DIMT1: variants seen among roughly 807,000 people sequenced by gnomAD.
The protein encoded by DIMT1 is dimethyladenosine transferase.
DIMT1 carries 36 observed loss-of-function variants against 43.2 expected under a neutral mutation model. That is an observed-to-expected ratio of 0.83 (90% CI 0.64 to 1.10). The LOEUF (loss-of-function observed/expected upper bound fraction) is 1.10, where lower values mean the gene tolerates loss of function less well. Among genes scored for constraint, DIMT1 ranks in the 50% least tolerant of loss-of-function variants. DIMT1 has a pLI of 0.00. For synonymous variants in DIMT1, 126 were observed against 130.3 expected (o/e 0.97, Z 0.22); for missense variants, 341 against 385.3 (o/e 0.88, Z 0.96).
chr5:62,393,454 G>GT (rs1742374682), intron 8 of DIMT1, among the ~76,000 whole-genome samples: 1 of 152,068 alleles, frequency 6.6e-6, no homozygotes, highest in Admixed American at 6.6e-5. Context: ...TTAAATCTAA[G>GT]TATCATTTTC....
chr5:62,398,385 A>G, intron 6 of DIMT1, 126 bp downstream of exon 6: 1 of 933,292 alleles, frequency 1.1e-6, no homozygotes, highest in Non-Finnish European at 1.7e-6. Context: ...CTCCATACAA[A>G]TCAACATTTT....
At chr5:62,394,305 A>C (rs944347619) in intron 7 of DIMT1, among the ~76,000 whole-genome samples, 179 bp downstream of exon 7, 11 of 152,220 alleles carry the variant, frequency 7.2e-5, no homozygotes, top group Non-Finnish European at 1.3e-4. Flanking sequence ...GTGTCTACAA[A>C]AAATACCAAA....
intron 3 of DIMT1, among the ~76,000 whole-genome samples, chr5:62,399,107 G>A (rs990683720): frequency 6.6e-6 from 1 of 151,436 alleles, no homozygotes; most frequent in African/African-American, 2.4e-5. Context: ...TGGGGTGGGC[G>A]AATCATGAGG....
chr5:62,403,792 A>T lies in DIMT1; in HGVS notation c.-20T>A, dbSNP rs764459624. On this transcript the variant is annotated 5_prime_UTR_variant, in exon 1 of 12. Transcript: ENST00000199320. ...CGGCATCTCGGCAGAAAGCGGGCCCACAGGCCCGGGACGTCAAGGAGGACC... is the reference window on the plus strand; with the variant it reads ...CGGCATCTCGGCAGAAAGCGGGCCCTCAGGCCCGGGACGTCAAGGAGGACC... 3 of 1,608,356 alleles carry T rather than the reference A, an allele frequency of 1.9e-6. No individual in the cohort carries two copies. The highest frequency in any genetic ancestry group is 2.5e-6 in the Non-Finnish European group (3 of 1,177,948).
Position 62,387,950 on chromosome 5 carries a change from A to C in DIMT1, c.*1060T>G, listed in dbSNP as rs1010795793. 4.6e-5 allele frequency: 7 copies of C among 152,134 alleles called. No homozygotes were observed. Among genetic ancestry groups the C allele is most frequent in the African/African-American group, 9.6e-5 (4 of 41,452 alleles). 9.4% of individuals were successfully genotyped at this position (152,134 alleles called of 1,614,324 possible). A position where few individuals can be genotyped will look rare whatever the true frequency, so the allele number is the denominator to read the frequency against. Reference sequence around the variant, plus strand: ...TAAGTTAGGTATTAAAAAAAGCCAAATATCAATAAAGATATTTTTATTAAT... The same window carrying C: ...TAAGTTAGGTATTAAAAAAAGCCAACTATCAATAAAGATATTTTTATTAAT... On this transcript the variant is annotated 3_prime_UTR_variant, in exon 12 of 12. Coordinates refer to ENST00000199320, the MANE Select transcript of DIMT1 (RefSeq NM_014473.4).
chr5:62,391,029 G>A, intron 10 of DIMT1, 47 bp from the exon 11 acceptor site: 1 of 1,504,362 alleles, frequency 6.6e-7, no homozygotes, highest in Non-Finnish European at 9.2e-7. Flanking sequence ...TCTTTAATGA[G>A]GTCACCTTGA....
chr5:62,398,975 C>A, intron 3 of DIMT1, 94 bp from the exon 4 acceptor site: 1 of 972,846 alleles, frequency 1.0e-6, no homozygotes, highest in Non-Finnish European at 1.5e-6. Context: ...ATTTATGTGA[C>A]AAACTTCTTC....
intron 10 of DIMT1, chr5:62,391,318 AT>A: frequency 5.0e-6 from 1 of 200,022 alleles, no homozygotes; most frequent in Non-Finnish European, 1.0e-5. Context: ...AAAATAATGC[AT>A]TTTCTTCCTA....
rs1742176646 is a variant in DIMT1, at chr5:62,389,188, T to C, written c.900-136A>G. 6.9e-6 allele frequency: 5 copies of C among 720,380 alleles called. No individual in the cohort carries two copies. In the South Asian group the frequency reaches 8.9e-5, roughly 13 times the overall value. The allele number at this position is 720,380 out of a possible 1,614,324, so 44.6% of individuals were successfully genotyped here. Reference sequence around the variant, plus strand: ...GCCCACCCACTCCTAATACTAGTTATTAAAGAAACGTTACTGGCTGGGCGC... The same window carrying C: ...GCCCACCCACTCCTAATACTAGTTACTAAAGAAACGTTACTGGCTGGGCGC... On this transcript the variant is annotated intron_variant, in intron 11 of 11. Coordinates refer to ENST00000199320, the MANE Select transcript of DIMT1 (RefSeq NM_014473.4).
intron 8 of DIMT1, among the ~76,000 whole-genome samples, 194 bp downstream of exon 8, chr5:62,393,761 G>A (rs77481967): frequency 8.4e-6 from 1 of 119,180 alleles, no homozygotes; most frequent in East Asian, 2.4e-4. Context: ...TTTTTTTTTT[G>A]AGACTGGGTC....
At chr5:62,398,013 C>T (rs1580127234) in intron 6 of DIMT1, among the ~76,000 whole-genome samples, 2 of 152,134 alleles carry the variant, frequency 1.3e-5, no homozygotes, top group South Asian at 4.1e-4. Flanking sequence ...TTTGTTCTTA[C>T]TTGAATTTTA....
At chr5:62,399,219 C>T (rs1423190060) in intron 3 of DIMT1, among the ~76,000 whole-genome samples, 1 of 152,204 alleles carries the variant, frequency 6.6e-6, no homozygotes, top group African/African-American at 2.4e-5. Flanking sequence ...GTAATCCCAA[C>T]ACTTTGGGAG....
intron 6 of DIMT1, among the ~76,000 whole-genome samples, chr5:62,396,381 G>A (rs1299894356): frequency 6.6e-6 from 1 of 151,904 alleles, no homozygotes; most frequent in Non-Finnish European, 1.5e-5. Flanking sequence ...GGTGGCACAT[G>A]CCCGTAATCG....
Position 62,387,743 on chromosome 5 carries a change from A to C in DIMT1, c.*1267T>G, listed in dbSNP as rs1742104573. On this transcript the variant is annotated 3_prime_UTR_variant, in exon 12 of 12. Coordinates refer to ENST00000199320, the MANE Select transcript of DIMT1 (RefSeq NM_014473.4). ...GCAAAATAGTTTTGTGAAATTAAAC[A>C]AAAAAATCTACTCTTAATGTATATT... is the stretch of plus-strand genomic sequence containing the variant. 1 of 140,094 alleles carries C rather than the reference A, an allele frequency of 7.1e-6. No homozygotes were observed. Among genetic ancestry groups the C allele is most frequent in the South Asian group, 2.2e-4 (1 of 4,548 alleles). 8.7% of individuals were successfully genotyped at this position (140,094 alleles called of 1,614,324 possible). A position where few individuals can be genotyped will look rare whatever the true frequency, so the allele number is the denominator to read the frequency against.
chr5:62,394,620 C>A lies in DIMT1; in HGVS notation c.447-13G>T. The A allele has an allele frequency of 6.2e-7, 1 of 1,613,200 alleles. No homozygotes were observed. The highest frequency in any genetic ancestry group is 8.5e-7 in the Non-Finnish European group (1 of 1,179,784). Reference sequence around the variant, plus strand: ...AAGTATAGCACACCTGAAAAGAAAGCAGAAAGGAATAAGGAAAATGGTCAT... The same window carrying A: ...AAGTATAGCACACCTGAAAAGAAAGAAGAAAGGAATAAGGAAAATGGTCAT... On this transcript the variant is annotated splice_polypyrimidine_tract_variant and intron_variant, in intron 6 of 11. Transcript: ENST00000199320.
chr5:62,397,805 C>T (rs1048427612), intron 6 of DIMT1, among the ~76,000 whole-genome samples: 7 of 152,136 alleles, frequency 4.6e-5, no homozygotes, highest in Middle Eastern at 3.2e-3. Flanking sequence ...CCCGCCACTA[C>T]GCCCGGCTAG....
At chr5:62,398,210 G>A (rs1742566623) in intron 6 of DIMT1, among the ~76,000 whole-genome samples, 2 of 151,898 alleles carry the variant, frequency 1.3e-5, no homozygotes, top group Non-Finnish European at 2.9e-5. Flanking sequence ...TTATACTAGA[G>A]ACCAGTTAGG....
intron 8 of DIMT1, 139 bp from the exon 9 acceptor site, chr5:62,393,129 C>G: frequency 2.0e-6 from 1 of 510,360 alleles, no homozygotes; most frequent in East Asian, 3.3e-5. Flanking sequence ...TAATCTTGAT[C>G]TGGCTGGCAC....
chr5:62,396,572 T>G (rs1009880178), intron 6 of DIMT1, among the ~76,000 whole-genome samples: 9 of 152,204 alleles, frequency 5.9e-5, no homozygotes, highest in Non-Finnish European at 1.0e-4. Flanking sequence ...CCATTTCCCA[T>G]TGAAACTCTC....
Sources: allele counts gnomAD v4.1 joint callset (sites outside exome capture counted in the v4.1 genomes callset), GRCh38; gene constraint gnomAD v4.1.1; transcripts MANE v1.5; gene names NCBI Gene and HGNC (gene_info 2026-07-23, HGNC 2026-07-21).